Variants in SLC1A4 observed in about 807,000 individuals in gnomAD.
SLC1A4 encodes solute carrier family 1 member 4.
SLC1A4 carries 19 observed loss-of-function variants against 37.7 expected under a neutral mutation model. The ratio of observed to expected loss-of-function variants is 0.50; its 90% CI spans 0.35 to 0.74. The LOEUF (loss-of-function observed/expected upper bound fraction) is 0.74, where lower values mean the gene tolerates loss of function less well. Among genes scored for constraint, SLC1A4 ranks in the 30% least tolerant of loss-of-function variants. SLC1A4 has a pLI of 0.01. For missense variants in SLC1A4, 570 were observed against 712.9 expected (o/e 0.80, Z 2.28); for synonymous variants, 299 against 309.8 (o/e 0.97, Z 0.37).
intron 5 of SLC1A4, among the ~76,000 whole-genome samples, chr2:65,017,516 G>A (rs959071576): frequency 1.3e-5 from 2 of 152,008 alleles, no homozygotes; most frequent in Admixed American, 6.6e-5. Flanking sequence ...AAAAAATTAG[G>A]GAAGGAAGTT....
At position 64,989,846 on chromosome 2, in the gene SLC1A4, G is replaced by A; in HGVS notation, c.203G>A (p.Ser68Asn). ...GCGGCGTTGCGCGGGCTCAGCCTGA[G>A]CCGCACGCAGGTCACCTACCTGGCC... ...LGAALRGLSL[S>N]RTQVTYLAFP... Residue 68 changes from serine (S) to asparagine (N), a missense_variant, in exon 1 of 8, where the codon AGC becomes AAC. Transcript: ENST00000234256. The A allele has an allele frequency of 2.0e-6, 3 of 1,538,186 alleles. No homozygotes were observed. Among genetic ancestry groups the A allele is most frequent in the East Asian group, 4.9e-5 (2 of 40,920 alleles).
intron 3 of SLC1A4, among the ~76,000 whole-genome samples, chr2:65,008,100 T>C (rs879779081): frequency 2.6e-5 from 4 of 152,236 alleles, no homozygotes; most frequent in Admixed American, 2.6e-4. Flanking sequence ...CAAATAGTAA[T>C]TGAATTTTCT....
intron 1 of SLC1A4, 73 bp from the exon 2 acceptor site, chr2:65,001,375 C>T: frequency 7.1e-7 from 1 of 1,401,212 alleles, no homozygotes; most frequent in Non-Finnish European, 1.0e-6. Context: ...GCACTCCAGC[C>T]TGGGCAACAG....
intron 3 of SLC1A4, among the ~76,000 whole-genome samples, chr2:65,004,599 T>C (rs1404066915): frequency 2.0e-5 from 3 of 152,098 alleles, no homozygotes; most frequent in Admixed American, 6.6e-5. Flanking sequence ...GAAAACATTT[T>C]ATAAAACCTT....
At chr2:64,989,014 C>G (rs1478839450), upstream of SLC1A4, among the ~76,000 whole-genome samples, 1 of 152,130 alleles carries the variant, frequency 6.6e-6, no homozygotes, top group African/African-American at 2.4e-5. Flanking sequence ...CCTCTGGCCC[C>G]GAGGACTCAG....
chr2:65,020,898 T>C lies in SLC1A4; in HGVS notation c.1365-14T>C. ...AGCAGTAGATATAATAGCTGCCTCT[T>C]CTTTTCCCACCAGGGACCGGACCAC... On this transcript the variant is annotated splice_polypyrimidine_tract_variant and intron_variant, in intron 7 of 7. Coordinates refer to ENST00000234256, the MANE Select transcript of SLC1A4 (RefSeq NM_003038.5). The C allele has an allele frequency of 6.2e-7, 1 of 1,611,450 alleles. No homozygotes were observed. Among genetic ancestry groups the C allele is most frequent in the Non-Finnish European group, 8.5e-7 (1 of 1,177,594 alleles).
At chr2:64,999,371 G>T (rs1363007361) in intron 1 of SLC1A4, 1 of 152,228 alleles carries the variant, frequency 6.6e-6, no homozygotes, top group Non-Finnish European at 1.5e-5. Flanking sequence ...TGCAGGCTGT[G>T]TATGCTGGCC....
In SLC1A4 at chr2:65,018,043, T is replaced by C. The variant is rs372348027; in HGVS notation, c.1035-28T>C. ...TAGCCTGCCTCGGACTGTTGTCATG[T>C]CTGGCGGTTTGTTTTTCCCATTTCT... is the stretch of plus-strand genomic sequence containing the variant. On this transcript the variant is annotated intron_variant, in intron 5 of 7. Coordinates refer to ENST00000234256, the MANE Select transcript of SLC1A4 (RefSeq NM_003038.5). This position sits in a 1 kb window ranked among gnomAD's most constrained non-coding sequence, Gnocchi z 4.3. 6.0e-5 allele frequency: 97 copies of C among 1,604,370 alleles called. No individual in the cohort carries two copies. The highest frequency in any genetic ancestry group is 6.2e-5 in the Non-Finnish European group (73 of 1,172,768).
In SLC1A4 at chr2:64,990,174, A is replaced by G. The variant is rs1672999913; in HGVS notation, c.527+4A>G. On this transcript the variant is annotated splice_donor_region_variant and intron_variant, in intron 1 of 7. Transcript: ENST00000234256. ...ACTCTTTCCTCGACCTGGCCAGGTA[A>G]CACTCTCCACCTCTCCCAGGGCCCA... The G allele has an allele frequency of 6.3e-7, 1 of 1,594,948 alleles. No individual in the cohort carries two copies. The highest frequency in any genetic ancestry group is 1.1e-5 in the South Asian group (1 of 88,310).
chr2:65,016,893 A>C (rs1572969230), intron 5 of SLC1A4, among the ~76,000 whole-genome samples: 1 of 152,116 alleles, frequency 6.6e-6, no homozygotes, highest in Admixed American at 6.5e-5. Context: ...TGATCCTCCC[A>C]CCTCGGCCTT....
intron 7 of SLC1A4, among the ~76,000 whole-genome samples, chr2:65,020,389 C>A (rs575947032): frequency 1.3e-5 from 2 of 152,316 alleles, no homozygotes; most frequent in East Asian, 3.9e-4. Context: ...ACCTCAGCCT[C>A]CTGAGTAGCT....
chr2:65,006,763 G>A (rs1264732141), intron 3 of SLC1A4, among the ~76,000 whole-genome samples: 4 of 152,102 alleles, frequency 2.6e-5, no homozygotes, highest in Non-Finnish European at 2.9e-5. Context: ...ACATAGATAC[G>A]TATCTAAAAA....
chr2:64,992,513 C>G (rs1383793590), intron 1 of SLC1A4, among the ~76,000 whole-genome samples: 1 of 152,158 alleles, frequency 6.6e-6, no homozygotes, highest in Admixed American at 6.5e-5. Context: ...CAGCCAACTT[C>G]ATCTAATCCA....
Position 65,018,354 on chromosome 2 carries a change from T to C in SLC1A4, c.1229+89T>C. ...ACCAATCTCACCACAACTTGGTGTC[T>C]CGCTCATAAAATGAGGACAGTGGGG... is the stretch of plus-strand genomic sequence containing the variant. On this transcript the variant is annotated intron_variant, in intron 6 of 7. Coordinates refer to ENST00000234256, the MANE Select transcript of SLC1A4 (RefSeq NM_003038.5). The surrounding 1 kb of genome is among the most constrained non-coding windows in gnomAD (Gnocchi z 4.3). The C allele has an allele frequency of 6.9e-7, 1 of 1,451,816 alleles. No homozygotes were observed. The highest frequency in any genetic ancestry group is 1.3e-5 in the South Asian group (1 of 79,790). The allele number at this position is 1,451,816 out of a possible 1,614,324, so 89.9% of individuals were successfully genotyped here.
At chr2:65,007,263 AGTGTGTTT>A (rs935403129) in intron 3 of SLC1A4, among the ~76,000 whole-genome samples, 15 of 126,410 alleles carry the variant, frequency 1.2e-4, no homozygotes, top group South Asian at 9.7e-4. Context: ...AGATAGGAAG[AGTGTGTTT>A]GTGTGTGTGT....
chr2:64,990,456 C>A (rs1414266059), intron 1 of SLC1A4, among the ~76,000 whole-genome samples: 1 of 152,154 alleles, frequency 6.6e-6, no homozygotes, highest in Non-Finnish European at 1.5e-5. Flanking sequence ...AAGAGCCAGC[C>A]GCCCCGCCTG....
intron 7 of SLC1A4, among the ~76,000 whole-genome samples, chr2:65,019,025 A>C (rs1674302341): frequency 6.6e-6 from 1 of 152,212 alleles, no homozygotes; most frequent in Non-Finnish European, 1.5e-5. Context: ...TCGATGGAGC[A>C]GTGATCCTTT....
At position 65,010,766 on chromosome 2, in the gene SLC1A4, G is replaced by A. The variant is rs199774468; in HGVS notation, c.800+3G>A. The A allele has an allele frequency of 2.5e-6, 4 of 1,610,776 alleles. No homozygotes were observed. The highest frequency in any genetic ancestry group is 1.3e-5 in the African/African-American group (1 of 74,836). ...GTGCTGGTGTCCTGGATTATGTGGT[G>A]AGTGCTGCTTTGCTGCCTACTCTCT... On this transcript the variant is annotated splice_donor_region_variant and intron_variant, in intron 4 of 7. Transcript: ENST00000234256.
intron 3 of SLC1A4, among the ~76,000 whole-genome samples, chr2:65,004,625 A>C (rs1391536103): frequency 6.6e-6 from 1 of 152,026 alleles, no homozygotes; most frequent in Admixed American, 6.6e-5. Context: ...CCATCTAGAA[A>C]TGTAATTAAT....
Sources: gnomAD v4.1 joint callset for allele counts (sites outside exome capture counted in the v4.1 genomes callset) on GRCh38, gnomAD v4.1.1 for gene constraint, Gnocchi (gnomAD v3.1) non-coding constraint, MANE v1.5 for transcripts, NCBI Gene and HGNC (gene_info 2026-07-23, HGNC 2026-07-21) for gene names.